The following KIRREL3 variants were observed in gnomAD, a reference collection of about 807,000 sequenced individuals.
The protein encoded by KIRREL3 is kin of IRRE-like protein 3.
KIRREL3 carries 36 observed loss-of-function variants against 89.7 expected under a neutral mutation model. The observed-to-expected ratio is 0.40, with a 90% confidence interval of 0.31 to 0.53. The LOEUF (loss-of-function observed/expected upper bound fraction) is 0.53. Among genes scored for constraint, KIRREL3 ranks in the 20% least tolerant of loss-of-function variants. KIRREL3 has a pLI of 0.49. For synonymous variants in KIRREL3, 445 were observed against 441.4 expected, an observed-to-expected ratio of 1.01 and a Z score of -0.10; for missense variants, 864 against 1,056.6, an observed-to-expected ratio of 0.82 and a Z score of 2.53.
At chr11:126,882,177 C>G (rs987084707) in intron 1 of KIRREL3, among the ~76,000 whole-genome samples, 1 of 152,174 alleles carries the variant, frequency 6.6e-6, no homozygotes, top group Non-Finnish European at 1.5e-5. Context: ...ACACTTTTCA[C>G]TGAAGGATCC....
chr11:126,616,396 A>G (rs1943351716), intron 1 of KIRREL3, among the ~76,000 whole-genome samples: 1 of 152,212 alleles, frequency 6.6e-6, no homozygotes. Context: ...TCTTAACTTG[A>G]AAGAAAATTA....
At position 126,740,166 on chromosome 11, in the gene KIRREL3, A is replaced by C. The variant is rs1003576385; in HGVS notation, c.56-177254T>G. Among the ~76,000 whole-genome samples, 1 of 151,974 alleles carries C rather than the reference A, an allele frequency of 6.6e-6. No homozygotes were observed. Among genetic ancestry groups the C allele is most frequent in the African/African-American group, 2.4e-5 (1 of 41,352 alleles). ...TTTAAGTCATTGCTCTATTTTCAAG[A>C]TATTATTTTTTAGAGGTGGCATCTA... is the stretch of plus-strand genomic sequence containing the variant. On this transcript the variant is annotated intron_variant, in intron 1 of 16. Coordinates refer to ENST00000525144, the MANE Select transcript of KIRREL3 (RefSeq NM_032531.4). This position sits in a 1 kb window ranked among gnomAD's most constrained non-coding sequence, Gnocchi z 6.0.
intron 2 of KIRREL3, among the ~76,000 whole-genome samples, chr11:126,536,642 C>CTT (rs145142970): frequency 0.015 from 1,138 of 77,116 alleles, 39 homozygotes; most frequent in Non-Finnish European, 0.016. Flanking sequence ...CTGGGCAATG[C>CTT]TTTTTTTTTT....
intron 4 of KIRREL3, among the ~76,000 whole-genome samples, chr11:126,478,549 GTA>G (rs1276413228): frequency 1.3e-5 from 2 of 151,984 alleles, no homozygotes; most frequent in African/African-American, 2.4e-5. Context: ...GTACATGTGT[GTA>G]TATGTGTGTA....
At position 126,817,757 on chromosome 11, in the gene KIRREL3, G is replaced by A. The variant is rs1408418279; in HGVS notation, c.55+182698C>T. Among the ~76,000 whole-genome samples the A allele has an allele frequency of 6.6e-6, 1 of 152,178 alleles. No homozygotes were observed. Among genetic ancestry groups the A allele is most frequent in the East Asian group, 1.9e-4 (1 of 5,188 alleles). ...GCTAGCTAATGATAGCATTTGTAGGGCAGCTGGAATAAACATGTGATGGAC... is the reference window on the plus strand; with the variant it reads ...GCTAGCTAATGATAGCATTTGTAGGACAGCTGGAATAAACATGTGATGGAC... On this transcript the variant is annotated intron_variant, in intron 1 of 16. Coordinates refer to ENST00000525144, the MANE Select transcript of KIRREL3 (RefSeq NM_032531.4). The surrounding 1 kb of genome is among the most constrained non-coding windows in gnomAD (Gnocchi z 5.7).
chr11:126,583,753 C>T (rs202133092), intron 1 of KIRREL3, among the ~76,000 whole-genome samples: 3 of 150,448 alleles, frequency 2.0e-5, no homozygotes, highest in African/African-American at 7.3e-5. Context: ...TGGCACGCAG[C>T]GAGGACTCCC....
In KIRREL3 at chr11:126,639,472, T is replaced by C. The variant is rs556358365; in HGVS notation, c.56-76560A>G. 6.6e-6 allele frequency among the ~76,000 whole-genome samples: 1 copy of C among 152,320 alleles called. No individual in the cohort carries two copies. The highest frequency in any genetic ancestry group is 1.5e-5 in the Non-Finnish European group (1 of 68,030). ...TTAAGCCTTTAAAAGTAACCTCTACTGAGCTCAATAAACCATTTCCAATGT... is the reference window on the plus strand; with the variant it reads ...TTAAGCCTTTAAAAGTAACCTCTACCGAGCTCAATAAACCATTTCCAATGT... On this transcript the variant is annotated intron_variant, in intron 1 of 16. Coordinates refer to ENST00000525144, the MANE Select transcript of KIRREL3 (RefSeq NM_032531.4). The surrounding 1 kb of genome is among the most constrained non-coding windows in gnomAD (Gnocchi z 4.3).
intron 1 of KIRREL3, among the ~76,000 whole-genome samples, chr11:126,665,320 A>G (rs1390292788): frequency 2.6e-5 from 4 of 152,220 alleles, no homozygotes; most frequent in Non-Finnish European, 5.9e-5. Flanking sequence ...AAATTCTACT[A>G]TAAGAATATT....
At chr11:126,532,322 A>G (rs1958967367) in intron 2 of KIRREL3, among the ~76,000 whole-genome samples, 1 of 152,140 alleles carries the variant, frequency 6.6e-6, no homozygotes, top group Non-Finnish European at 1.5e-5. Context: ...TTAAGCAAGT[A>G]CTCACTCCAC....
chr11:126,495,756 C>T lies in KIRREL3; in HGVS notation c.434-22290G>A, dbSNP rs549712272. On this transcript the variant is annotated intron_variant, in intron 4 of 16. Transcript: ENST00000525144. The surrounding 1 kb of genome is among the most constrained non-coding windows in gnomAD (Gnocchi z 6.5). ...TGTGGGCACTCCCTGCCCTTCTCAC[C>T]GCTCTCCTTGTAAAAGGCAGTGCTG... Among the ~76,000 whole-genome samples the T allele has an allele frequency of 3.3e-4, 51 of 152,264 alleles. No individual in the cohort carries two copies. The highest frequency in any genetic ancestry group is 2.7e-3 in the South Asian group (13 of 4,816).
chr11:126,656,295 T>C lies in KIRREL3; in HGVS notation c.56-93383A>G. On this transcript the variant is annotated intron_variant, in intron 1 of 16. Transcript: ENST00000525144. This position sits in a 1 kb window ranked among gnomAD's most constrained non-coding sequence, Gnocchi z 4.0. The stretch of plus-strand genomic sequence containing the variant: ...CTTAACCATAACCTCCATGATTCAG[T>C]TTCTTCATTTGCAAAATAATTTAAA... The C allele has an allele frequency of 3.0e-6, 1 of 336,626 alleles. No homozygotes were observed. Among genetic ancestry groups the C allele is most frequent in the Non-Finnish European group, 6.1e-6 (1 of 164,746 alleles). 20.9% of individuals were successfully genotyped at this position (336,626 alleles called of 1,614,324 possible).
chr11:126,451,482 G>C (rs1313057643), intron 7 of KIRREL3, among the ~76,000 whole-genome samples: 1 of 149,030 alleles, frequency 6.7e-6, no homozygotes, highest in Non-Finnish European at 1.5e-5. Context: ...GCATGTGTGT[G>C]TGCGCATGTG....
At chr11:126,933,855 T>TA (rs1416035352) in intron 1 of KIRREL3, among the ~76,000 whole-genome samples, 1 of 151,914 alleles carries the variant, frequency 6.6e-6, no homozygotes, top group Non-Finnish European at 1.5e-5. Flanking sequence ...TTTTAATGGT[T>TA]AAAAAATGTT....
In KIRREL3 at chr11:126,565,186, C is replaced by T. The variant is rs987671608; in HGVS notation, c.56-2274G>A. Among the ~76,000 whole-genome samples the T allele has an allele frequency of 5.9e-5, 9 of 152,078 alleles. No homozygotes were observed. Among genetic ancestry groups the T allele is most frequent in the Non-Finnish European group, 1.0e-4 (7 of 68,018 alleles). ...CTGAACGCTCAGGCAAATGGAAGGG[C>T]GAACAATTCTCTTACAGATTTAGAG... On this transcript the variant is annotated intron_variant, in intron 1 of 16. Transcript: ENST00000525144. The surrounding 1 kb of genome is among the most constrained non-coding windows in gnomAD (Gnocchi z 5.4).
chr11:126,832,439 G>A (rs190649855), intron 1 of KIRREL3, among the ~76,000 whole-genome samples: 1 of 152,306 alleles, frequency 6.6e-6, no homozygotes, highest in Admixed American at 6.5e-5. Flanking sequence ...CCCTGGAAAT[G>A]CTTGTACATA....
chr11:126,740,065 A>G lies in KIRREL3; in HGVS notation c.56-177153T>C, dbSNP rs143400363. ...AAAGGAAGAAAGAAAGAAACAGCTGATTTAAAATGCAGTTTAACCTGAGGT... is the reference window on the plus strand; with the variant it reads ...AAAGGAAGAAAGAAAGAAACAGCTGGTTTAAAATGCAGTTTAACCTGAGGT... On this transcript the variant is annotated intron_variant, in intron 1 of 16. Transcript: ENST00000525144. This position sits in a 1 kb window ranked among gnomAD's most constrained non-coding sequence, Gnocchi z 6.0. Among the ~76,000 whole-genome samples, 2 of 152,300 alleles carry G rather than the reference A, an allele frequency of 1.3e-5. No homozygotes were observed. The highest frequency in any genetic ancestry group is 2.4e-5 in the African/African-American group (1 of 41,562).
At position 126,528,875 on chromosome 11, in the gene KIRREL3, AG is replaced by A. The variant is rs1958850118; in HGVS notation, c.134-2189del. 6.6e-6 allele frequency among the ~76,000 whole-genome samples: 1 copy of A among 151,286 alleles called. No individual in the cohort carries two copies. Among genetic ancestry groups the A allele is most frequent in the South Asian group, 2.1e-4 (1 of 4,782 alleles). ...ATGGAGAGGGAGGGGGTGGGTGGAA[AG>A]GACTCCTTCTCTGGCTCCTTTTACT... On this transcript the variant is annotated intron_variant, in intron 2 of 16. Transcript: ENST00000525144. This position sits in a 1 kb window ranked among gnomAD's most constrained non-coding sequence, Gnocchi z 4.6.
Position 126,565,917 on chromosome 11 carries a change from T to C in KIRREL3, c.56-3005A>G, listed in dbSNP as rs946695243. Among the ~76,000 whole-genome samples, 1 of 151,972 alleles carries C rather than the reference T, an allele frequency of 6.6e-6. No individual in the cohort carries two copies. Among genetic ancestry groups the C allele is most frequent in the Non-Finnish European group, 1.5e-5 (1 of 67,984 alleles). On this transcript the variant is annotated intron_variant, in intron 1 of 16. Transcript: ENST00000525144. This position sits in a 1 kb window ranked among gnomAD's most constrained non-coding sequence, Gnocchi z 5.4. ...TTATTAGGAGAGAGATGATAGAACA[T>C]GACAGAAAGAACAGGAATCTCTCTC...
chr11:126,578,188 C>A lies in KIRREL3; in HGVS notation c.56-15276G>T, dbSNP rs539085695. 4.6e-5 allele frequency among the ~76,000 whole-genome samples: 7 copies of A among 152,312 alleles called. No individual in the cohort carries two copies. Among genetic ancestry groups the A allele is most frequent in the African/African-American group, 1.7e-4 (7 of 41,570 alleles). On this transcript the variant is annotated intron_variant, in intron 1 of 16. Transcript: ENST00000525144. The surrounding 1 kb of genome is among the most constrained non-coding windows in gnomAD (Gnocchi z 4.9). ...CCCAACTACTGAGAAGTTTAACAGACAATCTTTTCTTTTCCAAAATAAACA... is the reference window on the plus strand; with the variant it reads ...CCCAACTACTGAGAAGTTTAACAGAAAATCTTTTCTTTTCCAAAATAAACA...
Sources: allele counts gnomAD v4.1 joint callset (sites outside exome capture counted in the v4.1 genomes callset), GRCh38; gene constraint gnomAD v4.1.1; non-coding constraint Gnocchi (gnomAD v3.1); transcripts MANE v1.5; gene names NCBI Gene and HGNC (gene_info 2026-07-23, HGNC 2026-07-21).